The following ADK variants were observed in gnomAD, a reference collection of about 807,000 sequenced individuals.
The protein encoded by ADK is adenosine kinase, also known as N6,N6-dimethyladenosine kinase.
In ADK, 24 loss-of-function variants were observed where a neutral mutation model predicts 44.7. That is an observed-to-expected ratio of 0.54 (90% CI 0.39 to 0.76). The LOEUF is 0.76. Among genes scored for constraint, ADK ranks in the 30% least tolerant of loss-of-function variants. ADK has a pLI of 0.00. For missense variants in ADK, 321 were observed against 425.1 expected (o/e 0.76, Z 2.15); for synonymous variants, 128 against 142.6 (o/e 0.90, Z 0.73).
chr10:74,679,900 G>C (rs889993583), intron 10 of ADK, among the ~76,000 whole-genome samples: 4 of 152,154 alleles, frequency 2.6e-5, no homozygotes, highest in Non-Finnish European at 5.9e-5. Flanking sequence ...GGAGGTTGCA[G>C]TGAGCTGGGA....
chr10:74,376,022 C>A (rs578013070), intron 4 of ADK, among the ~76,000 whole-genome samples: 1 of 151,848 alleles, frequency 6.6e-6, no homozygotes, highest in South Asian at 2.1e-4. Context: ...CTAATTCCCT[C>A]ATTTCCGTCT....
intron 10 of ADK, among the ~76,000 whole-genome samples, chr10:74,688,698 T>C (rs1333443361): frequency 2.0e-5 from 3 of 152,114 alleles, no homozygotes; most frequent in Non-Finnish European, 4.4e-5. Context: ...GACAATAAAC[T>C]GAGCCCAGGA....
chr10:74,542,885 G>GTTATTTAT (rs994384171), intron 7 of ADK, among the ~76,000 whole-genome samples: 1 of 146,290 alleles, frequency 6.8e-6, no homozygotes, highest in Non-Finnish European at 1.6e-5. Flanking sequence ...TTTTATTTTA[G>GTTATTTAT]TTATTTATTT....
chr10:74,354,620 T>A, intron 4 of ADK, among the ~76,000 whole-genome samples: 1 of 152,092 alleles, frequency 6.6e-6, no homozygotes, highest in Non-Finnish European at 1.5e-5. Flanking sequence ...ATAGAAACAG[T>A]CATAACCAGC....
chr10:74,206,152 A>T (rs947945788), intron 2 of ADK, among the ~76,000 whole-genome samples: 1 of 152,244 alleles, frequency 6.6e-6, no homozygotes, highest in African/African-American at 2.4e-5. Flanking sequence ...CAACTTAAAA[A>T]TTTGAAATTT....
intron 3 of ADK, among the ~76,000 whole-genome samples, chr10:74,269,538 A>G (rs184178792): frequency 2.0e-5 from 3 of 152,224 alleles, no homozygotes; most frequent in East Asian, 1.9e-4. Context: ...TGGTCATTTT[A>G]TGGTTGGTTA....
At chr10:74,403,029 T>C (rs1843773939) in intron 6 of ADK, among the ~76,000 whole-genome samples, 2 of 152,172 alleles carry the variant, frequency 1.3e-5, no homozygotes, top group African/African-American at 4.8e-5. Flanking sequence ...CAGACCCTGT[T>C]TGCCTGGCTA....
intron 7 of ADK, among the ~76,000 whole-genome samples, chr10:74,554,869 T>G (rs981944552): frequency 6.6e-6 from 1 of 152,216 alleles, no homozygotes; most frequent in African/African-American, 2.4e-5. Context: ...AAATATGATT[T>G]GGTATATATG....
chr10:74,536,997 C>T (rs1564779737), intron 7 of ADK, among the ~76,000 whole-genome samples: 1 of 152,134 alleles, frequency 6.6e-6, no homozygotes, highest in East Asian at 1.9e-4. Flanking sequence ...GCTTTTAACT[C>T]TTTTGGATAT....
chr10:74,210,458 G>C (rs1409951251), intron 2 of ADK, among the ~76,000 whole-genome samples: 1 of 151,566 alleles, frequency 6.6e-6, no homozygotes, highest in East Asian at 1.9e-4. Flanking sequence ...TTATTAATCT[G>C]AGTATGCATG....
At chr10:74,651,185 A>G (rs578256221) in intron 9 of ADK, among the ~76,000 whole-genome samples, 2 of 152,152 alleles carry the variant, frequency 1.3e-5, no homozygotes, top group South Asian at 4.1e-4. Context: ...TTGGATAACA[A>G]ATATGGCCTA....
intron 6 of ADK, among the ~76,000 whole-genome samples, chr10:74,513,989 A>C (rs932918075): frequency 3.3e-5 from 5 of 152,184 alleles, no homozygotes; most frequent in Non-Finnish European, 5.9e-5. Flanking sequence ...CATTTCTTGC[A>C]AGGCCAGACT....
intron 6 of ADK, among the ~76,000 whole-genome samples, chr10:74,518,194 A>C (rs1848669383): frequency 1.3e-5 from 2 of 152,144 alleles, no homozygotes; most frequent in East Asian, 1.9e-4. Flanking sequence ...TATGGCACCT[A>C]AGTTATGGCA....
chr10:74,551,419 A>C (rs1850032044), intron 7 of ADK: 2 of 152,776 alleles, frequency 1.3e-5, no homozygotes, highest in Non-Finnish European at 2.9e-5. Flanking sequence ...TGGTATTTAC[A>C]ACTAATTGAT....
intron 3 of ADK, among the ~76,000 whole-genome samples, chr10:74,271,261 G>T (rs930324177): frequency 6.6e-6 from 1 of 151,940 alleles, no homozygotes; most frequent in African/African-American, 2.4e-5. Context: ...TTAATATTTG[G>T]CAATAATTGT....
chr10:74,620,346 C>T (rs532042889), intron 9 of ADK, among the ~76,000 whole-genome samples: 5 of 152,256 alleles, frequency 3.3e-5, no homozygotes, highest in Admixed American at 6.5e-5. Flanking sequence ...TTAGCTTCCA[C>T]GTACGAGTGA....
chr10:74,289,694 A>G (rs924989249), intron 3 of ADK, among the ~76,000 whole-genome samples: 1 of 152,096 alleles, frequency 6.6e-6, no homozygotes, highest in African/African-American at 2.4e-5. Flanking sequence ...AAGTGGCACT[A>G]TGTTTTTGAA....
At chr10:74,272,116 A>G (rs1304317614) in intron 3 of ADK, among the ~76,000 whole-genome samples, 1 of 152,178 alleles carries the variant, frequency 6.6e-6, no homozygotes, top group African/African-American at 2.4e-5. Flanking sequence ...TGTTGCTAAT[A>G]TATTTTGCAT....
At chr10:74,449,188 C>T (rs1845686671) in intron 6 of ADK, among the ~76,000 whole-genome samples, 1 of 152,164 alleles carries the variant, frequency 6.6e-6, no homozygotes, top group African/African-American at 2.4e-5. Context: ...AATTTATTCT[C>T]TCTGTCAAGG....
Sources: allele counts gnomAD v4.1 joint callset (sites outside exome capture counted in the v4.1 genomes callset), GRCh38; gene constraint gnomAD v4.1.1; transcripts MANE v1.5; gene names NCBI Gene and HGNC (gene_info 2026-07-23, HGNC 2026-07-21).